Variants in DSCAML1 observed in about 807,000 individuals in gnomAD.
DSCAML1 encodes the protein cell adhesion molecule DSCAML1.
DSCAML1 carries 38 observed loss-of-function variants against 200.5 expected under a neutral mutation model. The ratio of observed to expected loss-of-function variants is 0.19; its 90% CI spans 0.15 to 0.25. The LOEUF (loss-of-function observed/expected upper bound fraction) is 0.25. DSCAML1 is among the 10% of genes least tolerant of loss of function. The pLI, the probability that DSCAML1 is intolerant of heterozygous loss-of-function variation, is 1.00. For synonymous variants in DSCAML1, 1,215 were observed against 1,165.0 expected (o/e 1.04, Z -0.87); for missense variants, 2,223 against 2,858.8 (o/e 0.78, Z 5.07).
Position 117,619,411 on chromosome 11 carries a change from T to A in DSCAML1, c.512-86889A>T, listed in dbSNP as rs114427925. On this transcript the variant is annotated intron_variant, in intron 3 of 32. Transcript: ENST00000651296. ...AGGAGGTTTGCCCTCAGGGCCCACATCCCTGGAAAGGTGCTGGTGAATAAG... is the reference window on the plus strand; with the variant it reads ...AGGAGGTTTGCCCTCAGGGCCCACAACCCTGGAAAGGTGCTGGTGAATAAG... Among the ~76,000 whole-genome samples, 961 of 152,316 alleles carry A rather than the reference T, an allele frequency of 6.3e-3. 7 individuals are homozygous for A. Among genetic ancestry groups the A allele is most frequent in the African/African-American group, 0.022 (922 of 41,578 alleles).
In DSCAML1 at chr11:117,437,390, G is replaced by C. The variant is rs764615710; in HGVS notation, c.4452C>G (p.Asp1484Glu). The stretch of plus-strand genomic sequence containing the variant: ...AGTTGATGTGGGTGAAGAGGTGTTG[G>C]TCTTTGCTGAAGGAGGGCTCTGGCA... ...THGREPSFSK[D>E]QHLFTHINST... The change falls in exon 26 of 33, where the codon GAC (aspartate) becomes GAG (glutamate). Residue 1484 changes from aspartate to glutamate, a missense_variant. Transcript: ENST00000651296. This position sits in a 1 kb window ranked among gnomAD's most constrained non-coding sequence, Gnocchi z 5.3. The C allele has an allele frequency of 3.1e-6, 5 of 1,612,592 alleles. No homozygotes were observed. The East Asian group carries it at 8.9e-5, about 29-fold the overall frequency.
intron 27 of DSCAML1, among the ~76,000 whole-genome samples, chr11:117,433,777 G>T (rs2047851989): frequency 6.6e-6 from 1 of 152,200 alleles, no homozygotes; most frequent in East Asian, 1.9e-4. Flanking sequence ...AATTGACTCT[G>T]CTTAAACACA....
intron 5 of DSCAML1, among the ~76,000 whole-genome samples, chr11:117,524,521 T>C (rs2049939664): frequency 6.6e-6 from 1 of 152,214 alleles, no homozygotes; most frequent in African/African-American, 2.4e-5. Flanking sequence ...GTAGGAAGGC[T>C]GGGACCACTT....
At chr11:117,477,198 G>GACAC (rs60376380) in intron 14 of DSCAML1, among the ~76,000 whole-genome samples, 4,066 of 144,656 alleles carry the variant, frequency 0.028, 129 homozygotes, top group African/African-American at 0.074. Context: ...GCTGTCCTTA[G>GACAC]ACACACACAC....
At chr11:117,777,979 G>A (rs75889440) in intron 2 of DSCAML1, among the ~76,000 whole-genome samples, 80 of 152,222 alleles carry the variant, frequency 5.3e-4, no homozygotes, top group Middle Eastern at 3.4e-3. Flanking sequence ...CCTGGGCAGC[G>A]TGCCCTCCTC....
chr11:117,680,728 C>T (rs549734513), intron 3 of DSCAML1, among the ~76,000 whole-genome samples: 2 of 152,296 alleles, frequency 1.3e-5, no homozygotes, highest in South Asian at 2.1e-4. Context: ...CAAATCCTTC[C>T]GCTTTGCCAA....
At chr11:117,714,826 G>GGGA (rs10684152) in intron 3 of DSCAML1, among the ~76,000 whole-genome samples, 9 of 115,552 alleles carry the variant, frequency 7.8e-5, no homozygotes, top group African/African-American at 2.7e-4. Flanking sequence ...TCATCTTGAG[G>GGGA]AAAAAAAAAA....
chr11:117,797,298 C>A (rs751356502), upstream of DSCAML1: 42 of 1,321,238 alleles, frequency 3.2e-5, no homozygotes, highest in African/African-American at 6.2e-5. Flanking sequence ...CCCCGCCCCC[C>A]CGCGGCACCC....
intron 23 of DSCAML1, 74 bp from the exon 24 acceptor site, chr11:117,439,057 C>T (rs1309005943): frequency 1.4e-5 from 20 of 1,443,260 alleles, no homozygotes; most frequent in South Asian, 8.2e-5. Context: ...CCCCCCGTGA[C>T]GGGAAGGTGC....
At chr11:117,816,957 C>T (rs911760847) in intron 1 of DSCAML1, among the ~76,000 whole-genome samples, 1 of 152,200 alleles carries the variant, frequency 6.6e-6, no homozygotes, top group Non-Finnish European at 1.5e-5. Context: ...AAGTCCAGGC[C>T]ACCCAGCCAG....
At chr11:117,671,964 G>A (rs1292783399) in intron 3 of DSCAML1, among the ~76,000 whole-genome samples, 1 of 152,010 alleles carries the variant, frequency 6.6e-6, no homozygotes, top group Non-Finnish European at 1.5e-5. Flanking sequence ...AGCCGGGCGC[G>A]GTGGCAGGTG....
Position 117,780,197 on chromosome 11 carries a change from A to AAGAGAG in DSCAML1, c.364+295_364+296insCTCTCT, listed in dbSNP as rs1175883330. ...AAAAAAAGAAAAAAAGAAAGAAAGA[A>AAGAGAG]AGAGAAAGAAAGAGAGAGAGAGAAA... is the stretch of plus-strand genomic sequence containing the variant. On this transcript the variant is annotated intron_variant, in intron 2 of 32. Coordinates refer to ENST00000651296, the MANE Select transcript of DSCAML1 (RefSeq NM_020693.4). This position sits in a 1 kb window ranked among gnomAD's most constrained non-coding sequence, Gnocchi z 4.8. 6.9e-3 allele frequency among the ~76,000 whole-genome samples: 445 copies of AAGAGAG among 64,870 alleles called. 22 individuals carry two copies. Among genetic ancestry groups the AAGAGAG allele is most frequent in the East Asian group, 0.027 (67 of 2,510 alleles). 42.6% of individuals were successfully genotyped at this position (64,870 alleles called of 152,430 possible). A position where few individuals can be genotyped will look rare whatever the true frequency, so the allele number is the denominator to read the frequency against.
chr11:117,481,652 T>G (rs1336471712), intron 12 of DSCAML1, among the ~76,000 whole-genome samples: 1 of 115,864 alleles, frequency 8.6e-6, no homozygotes, highest in African/African-American at 3.4e-5. Context: ...GGCTGAGGGA[T>G]CCAGGAGAGA....
chr11:117,635,513 C>T (rs963486090), intron 3 of DSCAML1, among the ~76,000 whole-genome samples: 2 of 151,118 alleles, frequency 1.3e-5, no homozygotes, highest in Non-Finnish European at 2.9e-5. Context: ...GTGAATTCTC[C>T]ATTTCCCAGG....
intron 3 of DSCAML1, among the ~76,000 whole-genome samples, chr11:117,624,870 A>C (rs1219008681): frequency 1.3e-5 from 2 of 152,110 alleles, no homozygotes; most frequent in African/African-American, 4.8e-5. Context: ...CAGAGGAGAG[A>C]CAGAACAAGA....
rs142646763 is a variant in DSCAML1 at position 117,496,924 on chromosome 11, G to A, written c.2359+6921C>T. ...CTTTTGTACAAACGTCCACTTTGGG[G>A]TTAGGTTTGGGATGCGATGTGATTG... is the stretch of plus-strand genomic sequence containing the variant. On this transcript the variant is annotated intron_variant, in intron 11 of 32. Transcript: ENST00000651296. 2.2e-3 allele frequency among the ~76,000 whole-genome samples: 333 copies of A among 152,320 alleles called. 4 individuals carry two copies. Among genetic ancestry groups the A allele is most frequent in the Non-Finnish European group, 3.8e-4 (26 of 68,030 alleles).
intron 5 of DSCAML1, among the ~76,000 whole-genome samples, chr11:117,524,394 T>G (rs1022704998): frequency 6.6e-6 from 1 of 152,236 alleles, no homozygotes; most frequent in East Asian, 1.9e-4. Context: ...GATTGACAGC[T>G]GCCTTGCTTC....
chr11:117,759,683 G>A (rs749297056), intron 3 of DSCAML1, among the ~76,000 whole-genome samples: 3 of 152,208 alleles, frequency 2.0e-5, no homozygotes, highest in East Asian at 1.9e-4. Context: ...CTCTCTGGAC[G>A]GGAGGACAGA....
chr11:117,459,449 G>A (rs1271485006), intron 18 of DSCAML1, among the ~76,000 whole-genome samples: 1 of 152,208 alleles, frequency 6.6e-6, no homozygotes, highest in East Asian at 1.9e-4. Context: ...CCAGTGCCCT[G>A]GACTCCCAGT....
Sources: allele counts gnomAD v4.1 joint callset (sites outside exome capture counted in the v4.1 genomes callset), GRCh38; gene constraint gnomAD v4.1.1; non-coding constraint Gnocchi (gnomAD v3.1); transcripts MANE v1.5; gene names NCBI Gene and HGNC (gene_info 2026-07-23, HGNC 2026-07-21).